The following MPP7 variants were observed in gnomAD, a reference collection of about 807,000 sequenced individuals.
MPP7 encodes MAGUK p55 subfamily member 7.
In MPP7, 60 loss-of-function variants were observed where a neutral mutation model predicts 76.5. The ratio of observed to expected loss-of-function variants is 0.78; its 90% CI spans 0.64 to 0.97. The LOEUF (loss-of-function observed/expected upper bound fraction) is 0.97. MPP7 is among the 50% of genes least tolerant of loss of function. The pLI, the probability that MPP7 is intolerant of heterozygous loss-of-function variation, is 0.00. For synonymous variants in MPP7, 237 were observed against 244.5 expected (o/e 0.97, Z 0.29); for missense variants, 641 against 694.0 (o/e 0.92, Z 0.86).
At chr10:28,064,124 C>T (rs1246584597) in intron 13 of MPP7, among the ~76,000 whole-genome samples, 2 of 152,106 alleles carry the variant, frequency 1.3e-5, no homozygotes, top group East Asian at 1.9e-4. Context: ...AAGACTTGTA[C>T]AAAAACCTTG....
At chr10:28,235,440 A>G (rs1436179362) in intron 2 of MPP7, among the ~76,000 whole-genome samples, 1 of 152,188 alleles carries the variant, frequency 6.6e-6, no homozygotes, top group East Asian at 1.9e-4. Flanking sequence ...AAATATAATC[A>G]ACAGATCATA....
chr10:28,169,096 A>G (rs1290406875), intron 3 of MPP7, among the ~76,000 whole-genome samples: 1 of 152,150 alleles, frequency 6.6e-6, no homozygotes, highest in African/African-American at 2.4e-5. Context: ...ACTCTATGAT[A>G]AAACTTGATA....
chr10:28,171,135 C>T (rs966718530), intron 3 of MPP7, among the ~76,000 whole-genome samples: 1 of 152,072 alleles, frequency 6.6e-6, no homozygotes, highest in African/African-American at 2.4e-5. Context: ...CTGTCAGCAT[C>T]GAGGGTACAG....
chr10:28,096,971 T>A (rs2133489889), intron 11 of MPP7, among the ~76,000 whole-genome samples: 1 of 151,766 alleles, frequency 6.6e-6, no homozygotes, highest in South Asian at 2.1e-4. Flanking sequence ...TGGTCTAAAT[T>A]TAGCTTCTCT....
intron 3 of MPP7, among the ~76,000 whole-genome samples, chr10:28,169,385 T>C (rs1056061045): frequency 1.3e-5 from 2 of 152,036 alleles, no homozygotes; most frequent in African/African-American, 4.8e-5. Context: ...AAGGTTGATA[T>C]GGGAGGATAT....
rs1839229903 is a variant in MPP7 at position 28,240,437 on chromosome 10, G to C, written c.-131-1702C>G. Among the ~76,000 whole-genome samples, 3 of 151,956 alleles carry C rather than the reference G, an allele frequency of 2.0e-5. No homozygotes were observed. In the South Asian group the frequency reaches 6.2e-4, roughly 31 times the overall value. On this transcript the variant is annotated intron_variant, in intron 1 of 16. Coordinates refer to ENST00000683449, the MANE Select transcript of MPP7 (RefSeq NM_001318170.2). ...CGTATTAAAAACTTCACCATCAAAT[G>C]GATTATTTTAGACCAGACTATCTGC...
At chr10:28,271,778 A>G (rs1840333736) in intron 1 of MPP7, among the ~76,000 whole-genome samples, 1 of 152,144 alleles carries the variant, frequency 6.6e-6, no homozygotes, top group Non-Finnish European at 1.5e-5. Context: ...GATCAAGACC[A>G]TCTTGGCTAA....
At chr10:28,220,707 G>A (rs1838473386) in intron 2 of MPP7, among the ~76,000 whole-genome samples, 1 of 152,132 alleles carries the variant, frequency 6.6e-6, no homozygotes, top group Non-Finnish European at 1.5e-5. Context: ...AGCAGAAAGT[G>A]GCCTATTTGG....
At chr10:28,060,763 T>C (rs1851749772) in intron 13 of MPP7, among the ~76,000 whole-genome samples, 2 of 152,216 alleles carry the variant, frequency 1.3e-5, no homozygotes, top group African/African-American at 4.8e-5. Flanking sequence ...TTCACTTCTG[T>C]GTATGAGTCA....
rs1239673341 is a variant in MPP7 at position 28,054,384 on chromosome 10, CT to C, written c.1552-141del. 10 of 574,762 alleles carry C rather than the reference CT, an allele frequency of 1.7e-5. No individual in the cohort carries two copies. In the African/African-American group the frequency reaches 1.9e-4, roughly 11 times the overall value. The allele number at this position is 574,762 out of a possible 1,614,324, so 35.6% of individuals were successfully genotyped here. ...CCCTCAGCCAGAAATAAAAGTCATC[CT>C]CTTTAACCACAAGTGCTTCAGAAGC... On this transcript the variant is annotated intron_variant, in intron 16 of 16. Coordinates refer to ENST00000683449, the MANE Select transcript of MPP7 (RefSeq NM_001318170.2).
At position 28,139,429 on chromosome 10, in the gene MPP7, T is replaced by C. The variant is rs1835443543; in HGVS notation, c.316-7738A>G. Among the ~76,000 whole-genome samples the C allele has an allele frequency of 3.3e-5, 5 of 152,210 alleles. No individual in the cohort carries two copies. The South Asian group carries it at 1.0e-3, about 32-fold the overall frequency. ...CTCCAGTGGTATACTGAGCTGATCATGACCCTCACACTTTCGGCCTCCAAC... is the reference window on the plus strand; with the variant it reads ...CTCCAGTGGTATACTGAGCTGATCACGACCCTCACACTTTCGGCCTCCAAC... On this transcript the variant is annotated intron_variant, in intron 5 of 16. Coordinates refer to ENST00000683449, the MANE Select transcript of MPP7 (RefSeq NM_001318170.2).
chr10:28,253,981 G>C (rs572274663), intron 1 of MPP7, among the ~76,000 whole-genome samples: 1 of 112,184 alleles, frequency 8.9e-6, no homozygotes, highest in Non-Finnish European at 1.7e-5. Context: ...GGGATACAGA[G>C]AGAGAGTCTG....
intron 11 of MPP7, among the ~76,000 whole-genome samples, chr10:28,114,821 A>G (rs1218040699): frequency 1.3e-5 from 2 of 152,332 alleles, no homozygotes; most frequent in East Asian, 1.9e-4. Context: ...AACGCTTCCA[A>G]TGGAAAGACT....
Position 28,308,340 on chromosome 10 carries a change from T to C in MPP7, c.-132+21589A>G, listed in dbSNP as rs1841270859. On this transcript the variant is annotated intron_variant, in intron 2 of 11. Coordinates refer to the MPP7 transcript ENST00000441595. ...ATCTTCAGCCTCTCCACTTGAGATT[T>C]GTCTCCAAATACCAGGGGACACAAA... Among the ~76,000 whole-genome samples, 4 of 152,352 alleles carry C rather than the reference T, an allele frequency of 2.6e-5. No individual in the cohort carries two copies. The South Asian group carries it at 8.3e-4, about 32-fold the overall frequency.
Position 28,051,922 on chromosome 10 carries a change from A to C in MPP7, c.*2143T>G, listed in dbSNP as rs1325195623. The C allele has an allele frequency of 6.6e-6, 1 of 152,030 alleles. No individual in the cohort carries two copies. Among genetic ancestry groups the C allele is most frequent in the Non-Finnish European group, 1.5e-5 (1 of 68,066 alleles). The allele number at this position is 152,030 out of a possible 1,614,324, so 9.4% of individuals were successfully genotyped here. ...AAAAAGTATACTACCTGATTTCTAA[A>C]ATTACCAAAGTGCCCCCTTTTCCCC... is the stretch of plus-strand genomic sequence containing the variant. On this transcript the variant is annotated 3_prime_UTR_variant, in exon 17 of 17. Coordinates refer to ENST00000683449, the MANE Select transcript of MPP7 (RefSeq NM_001318170.2).
intron 3 of MPP7, among the ~76,000 whole-genome samples, chr10:28,173,998 A>T (rs1836774075): frequency 6.6e-6 from 1 of 152,206 alleles, no homozygotes; most frequent in Non-Finnish European, 1.5e-5. Flanking sequence ...GACGGTCCAG[A>T]AACAGTCCCA....
Position 28,125,129 on chromosome 10 carries a change from G to A in MPP7, c.448-38C>T, listed in dbSNP as rs549611309. On this transcript the variant is annotated intron_variant, in intron 6 of 16. Transcript: ENST00000683449. ...AAACAAAAAGCATTTGTGGGTAAAT[G>A]TGTGTACTAGGTGTTAGAAAAGGAG... The A allele has an allele frequency of 2.6e-6, 4 of 1,515,750 alleles. No individual in the cohort carries two copies. The South Asian group carries it at 3.4e-5, about 13-fold the overall frequency. 93.9% of individuals were successfully genotyped at this position (1,515,750 alleles called of 1,614,324 possible).
intron 11 of MPP7, among the ~76,000 whole-genome samples, chr10:28,110,098 T>TC (rs1467694683): frequency 2.1e-5 from 3 of 145,704 alleles, no homozygotes; most frequent in African/African-American, 7.5e-5. Flanking sequence ...TTCTTTTTTC[T>TC]TTTTTTTTTT....
chr10:28,059,786 C>T (rs1203637364), intron 13 of MPP7, 43 bp from the exon 14 acceptor site: 1 of 1,282,684 alleles, frequency 7.8e-7, no homozygotes, highest in Admixed American at 1.9e-5. Context: ...CCACATCAGC[C>T]ACCTTAAGGA....
Sources: allele counts gnomAD v4.1 joint callset (sites outside exome capture counted in the v4.1 genomes callset), GRCh38; gene constraint gnomAD v4.1.1; transcripts MANE v1.5; gene names NCBI Gene and HGNC (gene_info 2026-07-23, HGNC 2026-07-21).